Variants in ARFGEF3 observed in about 807,000 individuals in gnomAD.
The protein encoded by ARFGEF3 is brefeldin A-inhibited guanine nucleotide-exchange protein 3.
In ARFGEF3, 96 loss-of-function variants were observed where a neutral mutation model predicts 221.7. That is an observed-to-expected ratio of 0.43 (90% CI 0.37 to 0.51). The LOEUF (loss-of-function observed/expected upper bound fraction) is 0.51, where lower values mean the gene tolerates loss of function less well. Ranked by LOEUF, ARFGEF3 falls within the 20% of genes least tolerant of loss-of-function variation. ARFGEF3 has a pLI of 0.00. For synonymous variants in ARFGEF3, 1,145 were observed against 1,126.8 expected, an observed-to-expected ratio of 1.02 and a Z score of -0.32; for missense variants, 2,410 against 2,789.9, an observed-to-expected ratio of 0.86 and a Z score of 3.07.
intron 28 of ARFGEF3, 29 bp downstream of exon 28, chr6:138,319,908 T>G (rs983310955): frequency 6.2e-7 from 1 of 1,604,470 alleles, no homozygotes; most frequent in Non-Finnish European, 8.5e-7. Context: ...CAGTTCATTC[T>G]GGGTATTTCT....
At chr6:138,328,590 A>C (rs924094441) in intron 32 of ARFGEF3, among the ~76,000 whole-genome samples, 2 of 152,176 alleles carry the variant, frequency 1.3e-5, no homozygotes, top group Admixed American at 1.3e-4. Context: ...TGACTTAATT[A>C]CCTCTTAAAA....
intron 10 of ARFGEF3, among the ~76,000 whole-genome samples, chr6:138,257,386 A>C (rs1351274626): frequency 6.6e-6 from 1 of 152,146 alleles, no homozygotes; most frequent in Non-Finnish European, 1.5e-5. Context: ...TCCTAAATTC[A>C]CCAGTCCGAT....
In ARFGEF3 at chr6:138,308,734, C is replaced by T. The variant is rs1779771644; in HGVS notation, c.3974-5C>T. 1 of 1,613,906 alleles carries T rather than the reference C, an allele frequency of 6.2e-7. No homozygotes were observed. Among genetic ancestry groups the T allele is most frequent in the East Asian group, 2.2e-5 (1 of 44,888 alleles). On this transcript the variant is annotated splice_polypyrimidine_tract_variant and splice_region_variant and intron_variant, in intron 23 of 33. Transcript: ENST00000251691. ...TCTTACAATTCTATAATCTTCCTCC[C>T]TTAGGAAAAGGCCAAGCTCCAGTGT...
Position 138,278,530 on chromosome 6 carries a change from A to T in ARFGEF3, c.2208A>T (p.Thr736=). The part of the protein sequence containing the change: ...QMLMNADSLY[T]AAHCALLLNL... ...TGATGAACGCAGACAGCCTCTACAC[A>T]GCTGCACACTGCGCCCTGCTCCTCA... is the stretch of plus-strand genomic sequence containing the variant. Residue 736 remains threonine (T), a synonymous_variant, in exon 13 of 34, where the codon ACA becomes ACT. Transcript: ENST00000251691. 3.2e-5 allele frequency: 52 copies of T among 1,613,916 alleles called. No homozygotes were observed. Among genetic ancestry groups the T allele is most frequent in the Non-Finnish European group, 4.4e-5 (52 of 1,179,886 alleles).
At chr6:138,193,433 T>G (rs1368172601) in intron 2 of ARFGEF3, among the ~76,000 whole-genome samples, 1 of 152,228 alleles carries the variant, frequency 6.6e-6, no homozygotes, top group African/African-American at 2.4e-5. Context: ...TGTTACTTCC[T>G]CTAGACTATG....
At position 138,278,630 on chromosome 6, in the gene ARFGEF3, T is replaced by G. The variant is rs1431421186; in HGVS notation, c.2295+13T>G. On this transcript the variant is annotated intron_variant, in intron 13 of 33. Coordinates refer to ENST00000251691, the MANE Select transcript of ARFGEF3 (RefSeq NM_020340.5). The stretch of plus-strand genomic sequence containing the variant: ...GCCAGGCGTGATGGTGAGTGTGCCG[T>G]CCCTCATTGGACTGGCAGAGGGCAG... 6.2e-7 allele frequency: 1 copy of G among 1,612,924 alleles called. No homozygotes were observed. The highest frequency in any genetic ancestry group is 1.3e-5 in the African/African-American group (1 of 75,000).
At chr6:138,320,705 A>T (rs539212303) in intron 28 of ARFGEF3, among the ~76,000 whole-genome samples, 1 of 152,334 alleles carries the variant, frequency 6.6e-6, no homozygotes, top group South Asian at 2.1e-4. Context: ...CTGCCAAAAA[A>T]GAACACCAAT....
intron 4 of ARFGEF3, among the ~76,000 whole-genome samples, chr6:138,211,090 G>T (rs1777718751): frequency 6.6e-6 from 1 of 152,160 alleles, no homozygotes; most frequent in African/African-American, 2.4e-5. Flanking sequence ...TGATTTCCTT[G>T]TGTGTAAAAT....
At chr6:138,223,318 C>A (rs1285485909) in intron 4 of ARFGEF3, among the ~76,000 whole-genome samples, 1 of 152,058 alleles carries the variant, frequency 6.6e-6, no homozygotes, top group Non-Finnish European at 1.5e-5. Flanking sequence ...AGTTTAAAGC[C>A]AATCTACATG....
intron 14 of ARFGEF3, among the ~76,000 whole-genome samples, chr6:138,281,687 G>C (rs1372418727): frequency 6.6e-6 from 1 of 152,180 alleles, no homozygotes; most frequent in African/African-American, 2.4e-5. Flanking sequence ...GGTGTATATG[G>C]ACCACAAGAA....
intron 6 of ARFGEF3, among the ~76,000 whole-genome samples, chr6:138,241,154 C>T (rs1329538616): frequency 2.0e-5 from 3 of 152,174 alleles, no homozygotes; most frequent in Admixed American, 6.5e-5. Context: ...TGCTGGCCTC[C>T]CGTAAACAAG....
intron 12 of ARFGEF3, among the ~76,000 whole-genome samples, chr6:138,265,088 A>G (rs1778866291): frequency 6.6e-6 from 1 of 152,066 alleles, no homozygotes; most frequent in Admixed American, 6.6e-5. Context: ...TATTTTTAGT[A>G]GAGACAGGGT....
At position 138,343,264 on chromosome 6, in the gene ARFGEF3, T is replaced by G. The variant is rs1780460425; in HGVS notation, c.*6778T>G. On this transcript the variant is annotated 3_prime_UTR_variant, in exon 34 of 34. Transcript: ENST00000251691. The stretch of plus-strand genomic sequence containing the variant: ...TTAATTACACATAATGCTTATTGAT[T>G]CAATGAGGTTTCTCTAAAGACTTCT... 6.6e-6 allele frequency: 1 copy of G among 152,246 alleles called. No homozygotes were observed. The highest frequency in any genetic ancestry group is 2.4e-5 in the African/African-American group (1 of 41,468). 9.4% of individuals were successfully genotyped at this position (152,246 alleles called of 1,614,324 possible).
chr6:138,246,924 C>A (rs1172515441), intron 8 of ARFGEF3, among the ~76,000 whole-genome samples: 1 of 152,130 alleles, frequency 6.6e-6, no homozygotes, highest in Non-Finnish European at 1.5e-5. Context: ...TAATTTGTTT[C>A]ACTATAGTAA....
intron 12 of ARFGEF3, among the ~76,000 whole-genome samples, chr6:138,275,419 T>C (rs906259344): frequency 6.6e-6 from 1 of 152,120 alleles, no homozygotes; most frequent in Non-Finnish European, 1.5e-5. Context: ...TTGAAAGCTT[T>C]CTCTGGTCCA....
chr6:138,248,692 T>G (rs9484134), intron 8 of ARFGEF3, among the ~76,000 whole-genome samples: 11,130 of 151,972 alleles, frequency 0.073, 953 homozygotes, highest in African/African-American at 0.21. Context: ...CAGGCGTGGT[T>G]GCAGGTGCCT....
intron 4 of ARFGEF3, chr6:138,218,250 C>A (rs1378748618): frequency 6.8e-6 from 11 of 1,612,100 alleles, no homozygotes; most frequent in Non-Finnish European, 9.3e-6. Flanking sequence ...TACCTTGTAG[C>A]AGAATGGTAA....
chr6:138,241,353 T>G (rs1278920743), intron 6 of ARFGEF3, among the ~76,000 whole-genome samples: 2 of 152,228 alleles, frequency 1.3e-5, no homozygotes, highest in African/African-American at 4.8e-5. Context: ...TCCCATTTTT[T>G]TCTTCAAACA....
intron 22 of ARFGEF3, among the ~76,000 whole-genome samples, chr6:138,305,365 C>T (rs1779701111): frequency 1.3e-5 from 2 of 151,846 alleles, no homozygotes; most frequent in South Asian, 4.1e-4. Flanking sequence ...TTTTGGGAGG[C>T]CACAGCAGAA....
Sources: gnomAD v4.1 joint callset for allele counts (sites outside exome capture counted in the v4.1 genomes callset) on GRCh38, gnomAD v4.1.1 for gene constraint, MANE v1.5 for transcripts, NCBI Gene and HGNC (gene_info 2026-07-23, HGNC 2026-07-21) for gene names.